The following JMJD4 variants were observed in gnomAD, a reference collection of about 807,000 sequenced individuals.
JMJD4 encodes 2-oxoglutarate and iron-dependent oxygenase JMJD4.
In JMJD4, 34 loss-of-function variants were observed where a neutral mutation model predicts 36.3. The observed-to-expected ratio is 0.94, with a 90% CI of 0.71 to 1.25. The LOEUF is 1.25. Among genes scored for constraint, JMJD4 ranks in the 50% most tolerant of loss-of-function variants. The pLI is 0.00. For synonymous variants in JMJD4, 269 were observed against 235.3 expected (o/e 1.14, Z -1.31); for missense variants, 584 against 559.1 (o/e 1.04, Z -0.45).
At chr1:227,732,754 C>T in intron 5 of JMJD4, 78 bp from the exon 6 acceptor site, 1 of 1,591,336 alleles carries the variant, frequency 6.3e-7, no homozygotes, top group Non-Finnish European at 8.5e-7. Context: ...TGCGCCCAGT[C>T]CCCAAGGACG....
chr1:227,733,224 C>G (rs2273936), intron 4 of JMJD4, 190 bp downstream of exon 4: 82,202 of 841,136 alleles, frequency 0.098, 4,323 homozygotes, highest in Middle Eastern at 0.18. Context: ...GAACCCAGAG[C>G]AAGTAGACCC....
In JMJD4 at chr1:227,733,970, TC is replaced by T. The variant is rs1246714120; in HGVS notation, c.490del (p.Glu164SerfsTer67). The T allele has an allele frequency of 2.5e-6, 4 of 1,613,720 alleles. No individual in the cohort carries two copies. The highest frequency in any genetic ancestry group is 3.4e-6 in the Non-Finnish European group (4 of 1,179,988). On this transcript the variant is annotated frameshift_variant, in exon 3 of 6. Transcript: ENST00000620518. LOFTEE classifies it high-confidence loss of function. ...PVYFSSDWLN[E>X]FWDALDVDDY... ...ATCCACATCCAGTGCATCCCAGAAC[TC>T]ATTCAGCCAGTCGGACGAGAAGTAC...
In JMJD4 at chr1:227,735,264, C is replaced by A. The variant is rs764993970; in HGVS notation, c.10G>T (p.Glu4Ter). ...TGGCTGTCGGCGAGGGCGCGCGTCT[C>A]GCGGTCCATCCAGCTCAGCACGGGT... is the stretch of plus-strand genomic sequence containing the variant. MDR[E>*]TRALADSHFR... The change falls in exon 1 of 6, where the codon GAG becomes TAG. Residue 4 changes from glutamate (E) to a stop codon, truncating the protein, a stop_gained. Coordinates refer to ENST00000620518, the MANE Select transcript of JMJD4 (RefSeq NM_023007.3). LOFTEE classifies it high-confidence loss of function. 55 of 1,605,016 alleles carry A rather than the reference C, an allele frequency of 3.4e-5. No homozygotes were observed. The highest frequency in any genetic ancestry group is 8.4e-5 in the Admixed American group (5 of 59,506).
intron 4 of JMJD4, 163 bp downstream of exon 4, chr1:227,733,251 T>G (rs1571962773): frequency 1.1e-6 from 1 of 905,072 alleles, no homozygotes; most frequent in Non-Finnish European, 1.6e-6. Flanking sequence ...CGGCAGTGGG[T>G]GAAACAGAGG....
At chr1:227,733,830 C>A in intron 3 of JMJD4, 77 bp downstream of exon 3, 3 of 1,596,886 alleles carry the variant, frequency 1.9e-6, no homozygotes, top group Non-Finnish European at 2.6e-6. Flanking sequence ...AGCAGCCCCC[C>A]TCCTGCCACC....
At position 227,732,492 on chromosome 1, in the gene JMJD4, T is replaced by C. The variant is rs1234100940; in HGVS notation, c.1154A>G (p.His385Arg). 1.9e-6 allele frequency: 3 copies of C among 1,613,186 alleles called. No homozygotes were observed. Among genetic ancestry groups the C allele is most frequent in the African/African-American group, 2.7e-5 (2 of 74,900 alleles). Residue 385 changes from histidine (H) to arginine (R), a missense_variant, in exon 6 of 6, where the codon CAC becomes CGC. By Grantham distance (29) the His-to-Arg change is conservative. Transcript: ENST00000620518. ...ITEVLASLVAHPDFQRVDTSA... is the reference protein window; with the variant it reads ...ITEVLASLVARPDFQRVDTSA... ...GGTGTCCACTCTCTGGAAGTCGGGG[T>C]GCGCAACCAAGGAGGCCAGCACCTC...
rs1249442730 is a variant in JMJD4, at chr1:227,733,397, G to A, written c.822+17C>T. On this transcript the variant is annotated intron_variant, in intron 4 of 5. Transcript: ENST00000620518. The stretch of plus-strand genomic sequence containing the variant: ...CAGGAAGGCCCCTGATAGGGGGCAG[G>A]AGAAGCAGCACATTACCAGGTTGTG... 1.3e-6 allele frequency: 2 copies of A among 1,567,086 alleles called. No homozygotes were observed. Among genetic ancestry groups the A allele is most frequent in the Middle Eastern group, 3.7e-4 (2 of 5,446 alleles).
rs888316221 is a variant in JMJD4 at position 227,732,151 on chromosome 1, C to A, written c.*241G>T. ...CCCCCAAAAGAGCCAGGTCCTGGCA[C>A]CATCTCCGAGCTCCCAGCAGGCCTG... On this transcript the variant is annotated 3_prime_UTR_variant, in exon 6 of 6. Transcript: ENST00000620518. 2 of 584,944 alleles carry A rather than the reference C, an allele frequency of 3.4e-6. No individual in the cohort carries two copies. The highest frequency in any genetic ancestry group is 6.1e-6 in the Non-Finnish European group (2 of 328,462). 36.2% of individuals were successfully genotyped at this position (584,944 alleles called of 1,614,324 possible).
chr1:227,732,477 C>G lies in JMJD4; in HGVS notation c.1169G>C (p.Arg390Thr), dbSNP rs776156130. The G allele has an allele frequency of 6.2e-7, 1 of 1,613,338 alleles. No individual in the cohort carries two copies. The highest frequency in any genetic ancestry group is 8.5e-7 in the Non-Finnish European group (1 of 1,180,024). ...ASLVAHPDFQ[R>T]VDTSAFSPQP... ...TGGTGAGAACGCGCTGGTGTCCACT[C>G]TCTGGAAGTCGGGGTGCGCAACCAA... Residue 390 changes from arginine to threonine, a missense_variant, in exon 6 of 6, where the codon AGA becomes ACA. Coordinates refer to ENST00000620518, the MANE Select transcript of JMJD4 (RefSeq NM_023007.3).
chr1:227,734,352 T>TA (rs56684758), intron 2 of JMJD4: 2,249 of 77,416 alleles, frequency 0.029, 49 homozygotes, highest in African/African-American at 0.049. Flanking sequence ...CTAGTCTCTT[T>TA]AAAAAAAAAA....
intron 1 of JMJD4, 46 bp from the exon 2 acceptor site, chr1:227,734,862 TCA>T (rs1350190274): frequency 1.2e-6 from 2 of 1,609,336 alleles, no homozygotes; most frequent in African/African-American, 2.7e-5. Flanking sequence ...GGCCCCGTCC[TCA>T]CTCCAAACCG....
chr1:227,735,045 TCCCCGCGGGCG>T lies in JMJD4; in HGVS notation c.218_228del (p.Thr73LysfsTer88). On this transcript the variant is annotated frameshift_variant, in exon 1 of 6. Coordinates refer to ENST00000620518, the MANE Select transcript of JMJD4 (RefSeq NM_023007.3). LOFTEE classifies it high-confidence loss of function. Reference sequence around the variant, plus strand: ...CGTAGCAGGTGGTCGAAGTCGGGCCTCCCCGCGGGCGTCACCCAGCGCCGCCGGCTGCCCCA... The same window carrying T: ...CGTAGCAGGTGGTCGAAGTCGGGCCTTCACCCAGCGCCGCCGGCTGCCCCA... The T allele has an allele frequency of 6.4e-7, 1 of 1,552,460 alleles. No individual in the cohort carries two copies. Among genetic ancestry groups the T allele is most frequent in the Non-Finnish European group, 8.7e-7 (1 of 1,150,132 alleles).
chr1:227,733,155 C>CTGCTG, intron 4 of JMJD4, 128 bp from the exon 5 acceptor site: 1 of 1,096,962 alleles, frequency 9.1e-7, no homozygotes, highest in Non-Finnish European at 1.3e-6. Flanking sequence ...TCCTGTCTCC[C>CTGCTG]AGCAGGGCTT....
At chr1:227,734,880 A>C in intron 1 of JMJD4, 64 bp from the exon 2 acceptor site, 1 of 1,598,770 alleles carries the variant, frequency 6.3e-7, no homozygotes, top group Non-Finnish European at 8.5e-7. Context: ...AACCGTCTGC[A>C]GAGGAACTCT....
Position 227,732,557 on chromosome 1 carries a change from C to A in JMJD4, c.1089G>T (p.Leu363Phe). The A allele has an allele frequency of 1.2e-6, 2 of 1,613,488 alleles. No homozygotes were observed. Among genetic ancestry groups the A allele is most frequent in the Non-Finnish European group, 1.7e-6 (2 of 1,180,028 alleles). Residue 363 changes from leucine to phenylalanine, a missense_variant, in exon 6 of 6, where the codon TTG (leucine) becomes TTT (phenylalanine). Coordinates refer to ENST00000620518, the MANE Select transcript of JMJD4 (RefSeq NM_023007.3). ...CATCAAAGGCTGCCTGTTCGAAACC[C>A]AACCCAGCACCGTCCTCAGCGGCTG... ...REAAAEDGAG[L>F]GFEQAAFDVG...
At position 227,733,966 on chromosome 1, in the gene JMJD4, G is replaced by C. The variant is rs1389399877; in HGVS notation, c.495C>G (p.Phe165Leu). The change falls in exon 3 of 6, where the codon TTC (phenylalanine) becomes TTG (leucine). Residue 165 changes from phenylalanine to leucine, a missense_variant. Phe to Leu is a conservative substitution (Grantham distance 22). Transcript: ENST00000620518. ...AGTCATCCACATCCAGTGCATCCCA[G>C]AACTCATTCAGCCAGTCGGACGAGA... is the stretch of plus-strand genomic sequence containing the variant. ...VYFSSDWLNE[F>L]WDALDVDDYR... The C allele has an allele frequency of 6.2e-6, 10 of 1,613,948 alleles. No homozygotes were observed. Among genetic ancestry groups the C allele is most frequent in the Non-Finnish European group, 8.5e-6 (10 of 1,180,014 alleles).
Position 227,733,555 on chromosome 1 carries a change from G to A in JMJD4, c.681C>T (p.Pro227=). The change falls in exon 4 of 6, where the codon CCC becomes CCT. Residue 227 remains proline (P), a synonymous_variant. Coordinates refer to ENST00000620518, the MANE Select transcript of JMJD4 (RefSeq NM_023007.3). ...AGAGTGCTGGGGAGGTCACGTCGTA[G>A]GGCAGGTTGCCGTGGCGGTCCCGCA... The part of the protein sequence containing the change: ...EALRDRHGNL[P]YDVTSPALCD... 6.2e-7 allele frequency: 1 copy of A among 1,606,678 alleles called. No individual in the cohort carries two copies. Among genetic ancestry groups the A allele is most frequent in the South Asian group, 1.1e-5 (1 of 90,698 alleles).
In JMJD4 at chr1:227,733,598, G is replaced by A; in HGVS notation, c.638C>T (p.Pro213Leu). 1 of 1,606,004 alleles carries A rather than the reference G, an allele frequency of 6.2e-7. No homozygotes were observed. Among genetic ancestry groups the A allele is most frequent in the Non-Finnish European group, 8.5e-7 (1 of 1,178,610 alleles). The change falls in exon 4 of 6, where the codon CCA becomes CTA. Residue 213 changes from proline to leucine, a missense_variant. Transcript: ENST00000620518. ...GTCCCGCAGGGCCTCTTCCTGCCCT[G>A]GGGGGAAGAGGAGCCACTTCTTCCT... The part of the protein sequence containing the change: ...CGRKKWLLFP[P>L]GQEEALRDRH...
At position 227,732,087 on chromosome 1, in the gene JMJD4, C is replaced by A. The variant is rs772479101; in HGVS notation, c.*305G>T. 14 of 485,482 alleles carry A rather than the reference C, an allele frequency of 2.9e-5. No homozygotes were observed. The highest frequency in any genetic ancestry group is 4.5e-5 in the Non-Finnish European group (12 of 266,728). The allele number at this position is 485,482 out of a possible 1,614,324, so 30.1% of individuals were successfully genotyped here. A position where few individuals can be genotyped will look rare whatever the true frequency, so the allele number is the denominator to read the frequency against. On this transcript the variant is annotated 3_prime_UTR_variant, in exon 6 of 6. Transcript: ENST00000620518. ...CCAGAGAAGGCACACCAGACACAGA[C>A]TCCTGTCAGCTCAGGCGTCCTGGCC...
Sources: gnomAD v4.1 joint callset for allele counts on GRCh38, gnomAD v4.1.1 for gene constraint, MANE v1.5 for transcripts, NCBI Gene and HGNC (gene_info 2026-07-23, HGNC 2026-07-21) for gene names.